The following NRG3 variants were observed in gnomAD, a reference collection of about 807,000 sequenced individuals.
The protein encoded by NRG3 is neuregulin 3, also known as pro-neuregulin-3, membrane-bound isoform.
Under a neutral mutation model 66.9 loss-of-function variants are expected in NRG3, and 31 were observed. The ratio of observed to expected loss-of-function variants is 0.46; its 90% CI spans 0.35 to 0.63. The LOEUF (loss-of-function observed/expected upper bound fraction) is 0.63, where lower values mean the gene tolerates loss of function less well. NRG3 is among the 20% of genes least tolerant of loss of function. The pLI is 0.00. For synonymous variants in NRG3, 393 were observed against 359.4 expected (o/e 1.09, Z -1.06); for missense variants, 910 against 878.9 (o/e 1.04, Z -0.45).
At chr10:82,146,778 C>T (rs1051369314) in intron 1 of NRG3, among the ~76,000 whole-genome samples, 2 of 152,230 alleles carry the variant, frequency 1.3e-5, no homozygotes, top group Admixed American at 6.5e-5. Flanking sequence ...TGGGTAGCCC[C>T]AGGGCTGCTT....
chr10:82,066,058 C>T (rs1039840337), intron 1 of NRG3, among the ~76,000 whole-genome samples: 2 of 152,030 alleles, frequency 1.3e-5, no homozygotes, highest in South Asian at 2.1e-4. Context: ...AAGAAATGAA[C>T]GTGAACTAAA....
At chr10:82,611,922 C>T (rs960952180) in intron 2 of NRG3, among the ~76,000 whole-genome samples, 2 of 152,176 alleles carry the variant, frequency 1.3e-5, no homozygotes, top group Non-Finnish European at 2.9e-5. Flanking sequence ...ACATCCTCTC[C>T]AGCATCTGTT....
At chr10:82,034,578 G>T (rs144005987) in intron 1 of NRG3, among the ~76,000 whole-genome samples, 3 of 152,216 alleles carry the variant, frequency 2.0e-5, no homozygotes, top group Non-Finnish European at 4.4e-5. Context: ...GAGCTGAGGT[G>T]AGGGTAAGGC....
Position 82,948,643 on chromosome 10 carries a change from T to C in NRG3, c.1055-2826T>C, listed in dbSNP as rs371650804. On this transcript the variant is annotated intron_variant, in intron 4 of 8. Coordinates refer to ENST00000372141, the MANE Select transcript of NRG3 (RefSeq NM_001010848.4). ...AAGACTTGTGTGCCTTTTGTTAAAT[T>C]GATCTCTATGTATTTTACATGCTTT... Among the ~76,000 whole-genome samples the C allele has an allele frequency of 1.2e-4, 19 of 152,282 alleles. No individual in the cohort carries two copies. In the East Asian group the frequency reaches 2.7e-3, roughly 22 times the overall value.
chr10:81,969,174 T>C (rs966866910), intron 1 of NRG3, among the ~76,000 whole-genome samples: 6 of 152,168 alleles, frequency 3.9e-5, no homozygotes, highest in Middle Eastern at 3.2e-3. Flanking sequence ...GAACAAAGTT[T>C]TCCTGTCTCC....
At chr10:82,151,869 G>A (rs1258989357) in intron 1 of NRG3, among the ~76,000 whole-genome samples, 1 of 152,292 alleles carries the variant, frequency 6.6e-6, no homozygotes, top group East Asian at 1.9e-4. Flanking sequence ...GAGGGAGTTT[G>A]AACAAATAAG....
chr10:82,653,297 A>T (rs1198091024), intron 2 of NRG3, among the ~76,000 whole-genome samples: 1 of 152,206 alleles, frequency 6.6e-6, no homozygotes, highest in Non-Finnish European at 1.5e-5. Flanking sequence ...CAGTGAAGTG[A>T]GTAGGTGATA....
chr10:82,354,825 G>C (rs2083674899), intron 1 of NRG3, among the ~76,000 whole-genome samples: 1 of 152,148 alleles, frequency 6.6e-6, no homozygotes, highest in Admixed American at 6.5e-5. Flanking sequence ...AGTCAGATGG[G>C]AGCTTCAGAA....
At chr10:82,958,520 T>A (rs1850296861) in intron 5 of NRG3, among the ~76,000 whole-genome samples, 1 of 152,226 alleles carries the variant, frequency 6.6e-6, no homozygotes, top group South Asian at 2.1e-4. Context: ...GTTGTGCAAT[T>A]AAGCTAAACA....
At chr10:82,686,251 G>A (rs762497441) in intron 2 of NRG3, among the ~76,000 whole-genome samples, 55 of 151,494 alleles carry the variant, frequency 3.6e-4, no homozygotes, top group Non-Finnish European at 1.8e-4. Flanking sequence ...GCAATGGCAT[G>A]ATCTTGGCTC....
chr10:82,669,934 A>C (rs542488500), intron 2 of NRG3, among the ~76,000 whole-genome samples: 1 of 152,054 alleles, frequency 6.6e-6, no homozygotes, highest in Non-Finnish European at 1.5e-5. Context: ...TCTCAAAAAA[A>C]AAAAAAGAAA....
chr10:82,617,665 C>T (rs1407173537), intron 2 of NRG3, among the ~76,000 whole-genome samples: 1 of 152,076 alleles, frequency 6.6e-6, no homozygotes, highest in African/African-American at 2.4e-5. Flanking sequence ...TCAAAATGAG[C>T]ACCTTGTACT....
At chr10:82,381,278 G>T (rs780272695) in intron 2 of NRG3, among the ~76,000 whole-genome samples, 13 of 152,092 alleles carry the variant, frequency 8.5e-5, no homozygotes, top group Non-Finnish European at 1.5e-4. Flanking sequence ...AATGATTAAA[G>T]ATCTTCTTTA....
chr10:81,888,626 G>T (rs191509014), intron 1 of NRG3, among the ~76,000 whole-genome samples: 1 of 152,214 alleles, frequency 6.6e-6, no homozygotes, highest in East Asian at 1.9e-4. Flanking sequence ...CCCAGGGAGG[G>T]AAAGGTCATT....
chr10:82,358,587 C>A, intron 1 of NRG3, 152 bp from the exon 2 acceptor site: 1 of 920,042 alleles, frequency 1.1e-6, no homozygotes, highest in Admixed American at 2.4e-5. Flanking sequence ...TGCATTTGGT[C>A]AGTACCAAGG....
At chr10:82,058,281 G>A (rs1165617941) in intron 1 of NRG3, among the ~76,000 whole-genome samples, 2 of 151,756 alleles carry the variant, frequency 1.3e-5, no homozygotes, top group African/African-American at 4.8e-5. Flanking sequence ...TTTGATAAAA[G>A]TGCTGTGTTT....
At chr10:82,521,017 A>G (rs539493956) in intron 2 of NRG3, among the ~76,000 whole-genome samples, 1 of 152,316 alleles carries the variant, frequency 6.6e-6, no homozygotes, top group Admixed American at 6.5e-5. Context: ...CATGGGATAT[A>G]CTCAATACAG....
intron 2 of NRG3, among the ~76,000 whole-genome samples, chr10:82,368,037 A>C (rs1227329030): frequency 6.6e-6 from 1 of 152,128 alleles, no homozygotes; most frequent in Non-Finnish European, 1.5e-5. Context: ...TAAATAAATA[A>C]AACATATTCT....
intron 1 of NRG3, among the ~76,000 whole-genome samples, chr10:82,013,619 T>C (rs1252267533): frequency 6.6e-6 from 1 of 152,144 alleles, no homozygotes; most frequent in Non-Finnish European, 1.5e-5. Context: ...CAACGTCGTA[T>C]GTTTTTTTTC....
Sources: gnomAD v4.1 joint callset for allele counts (sites outside exome capture counted in the v4.1 genomes callset) on GRCh38, gnomAD v4.1.1 for gene constraint, MANE v1.5 for transcripts, NCBI Gene and HGNC (gene_info 2026-07-23, HGNC 2026-07-21) for gene names.